The following FSHR variants were observed in gnomAD, a reference collection of about 807,000 sequenced individuals.
The protein encoded by FSHR is follicle stimulating hormone receptor.
Under a neutral mutation model 52.1 loss-of-function variants are expected in FSHR, and 46 were observed. That is an observed-to-expected ratio of 0.88 (90% confidence interval 0.70 to 1.13). FSHR has a LOEUF of 1.13. Ranked by LOEUF, FSHR falls within the 50% of genes most tolerant of loss-of-function variation. The pLI, the probability that FSHR is intolerant of heterozygous loss-of-function variation, is 0.00. For missense variants in FSHR, 964 were observed against 834.6 expected, an observed-to-expected ratio of 1.16 and a Z score of -1.91; for synonymous variants, 399 against 309.6, an observed-to-expected ratio of 1.29 and a Z score of -3.03.
At chr2:49,104,523 G>A (rs1231632773) in intron 1 of FSHR, among the ~76,000 whole-genome samples, 1 of 152,118 alleles carries the variant, frequency 6.6e-6, no homozygotes, top group African/African-American at 2.4e-5. Context: ...AAATGTTCTT[G>A]TTCAGTCTTT....
intron 2 of FSHR, among the ~76,000 whole-genome samples, chr2:49,022,747 A>T (rs553531702): frequency 6.6e-6 from 1 of 152,248 alleles, no homozygotes; most frequent in East Asian, 1.9e-4. Flanking sequence ...AAATAAGGGG[A>T]TACGATGAGA....
At chr2:49,146,455 T>A (rs1428570502) in intron 1 of FSHR, among the ~76,000 whole-genome samples, 1 of 151,960 alleles carries the variant, frequency 6.6e-6, no homozygotes, top group Non-Finnish European at 1.5e-5. Flanking sequence ...GGAGATAGGA[T>A]CCCTCATAAA....
chr2:48,994,523 T>A (rs1315104217), intron 4 of FSHR, among the ~76,000 whole-genome samples: 2 of 152,148 alleles, frequency 1.3e-5, no homozygotes, highest in Non-Finnish European at 2.9e-5. Context: ...TTATTGGTGA[T>A]AATTCTGTAG....
intron 4 of FSHR, among the ~76,000 whole-genome samples, chr2:49,015,944 C>G (rs1002084458): frequency 5.9e-5 from 9 of 152,192 alleles, no homozygotes; most frequent in African/African-American, 2.2e-4. Context: ...CAGCCTACCT[C>G]TGACAGTAAC....
chr2:49,002,289 A>G (rs1666923208), intron 4 of FSHR, among the ~76,000 whole-genome samples: 1 of 152,090 alleles, frequency 6.6e-6, no homozygotes, highest in Non-Finnish European at 1.5e-5. Flanking sequence ...ATGTTCCCAC[A>G]CCCAGTTTCA....
intron 4 of FSHR, among the ~76,000 whole-genome samples, chr2:48,991,244 C>T (rs992021336): frequency 5.3e-5 from 8 of 152,104 alleles, no homozygotes; most frequent in African/African-American, 9.7e-5. Context: ...CTGGCTTTCC[C>T]GGGAAGCAGA....
At chr2:49,041,887 C>T (rs940545975) in intron 2 of FSHR, among the ~76,000 whole-genome samples, 1 of 152,128 alleles carries the variant, frequency 6.6e-6, no homozygotes, top group African/African-American at 2.4e-5. Context: ...TGGCTCATGC[C>T]TTTTATCTTA....
rs147060045 is a variant in FSHR at position 49,013,959 on chromosome 2, C to T, written c.374+3530G>A. Among the ~76,000 whole-genome samples, 90 of 152,040 alleles carry T rather than the reference C, an allele frequency of 5.9e-4. 1 individual carries two copies. The highest frequency in any genetic ancestry group is 2.0e-3 in the African/African-American group (84 of 41,462). On this transcript the variant is annotated intron_variant, in intron 4 of 9. Coordinates refer to ENST00000406846, the MANE Select transcript of FSHR (RefSeq NM_000145.4). ...CTCTCTTTCTCTCTGTGTATATGCA[C>T]CAAGGTAAGGCCATGTGCATATACA...
intron 2 of FSHR, among the ~76,000 whole-genome samples, chr2:49,055,341 A>G (rs1053120320): frequency 7.9e-5 from 12 of 151,682 alleles, no homozygotes; most frequent in Middle Eastern, 3.4e-3. Context: ...GGCACAATAA[A>G]TAAATAATAA....
At chr2:49,076,050 C>G (rs187845808) in intron 1 of FSHR, among the ~76,000 whole-genome samples, 4 of 152,130 alleles carry the variant, frequency 2.6e-5, no homozygotes, top group Admixed American at 6.5e-5. Context: ...TAATTATTAA[C>G]AAATTGTGTT....
intron 1 of FSHR, among the ~76,000 whole-genome samples, chr2:49,093,972 G>A (rs1214786857): frequency 1.3e-5 from 2 of 152,064 alleles, no homozygotes; most frequent in East Asian, 3.9e-4. Flanking sequence ...GTTGTAACTG[G>A]TGTCTTCAGA....
intron 1 of FSHR, among the ~76,000 whole-genome samples, chr2:49,087,077 T>A (rs1425751517): frequency 7.0e-6 from 1 of 143,864 alleles, no homozygotes; most frequent in African/African-American, 2.6e-5. Context: ...AGGGTTTTTT[T>A]TTTTTTTTTT....
At chr2:49,144,928 G>A (rs1483001901) in intron 1 of FSHR, among the ~76,000 whole-genome samples, 1 of 152,106 alleles carries the variant, frequency 6.6e-6, no homozygotes, top group African/African-American at 2.4e-5. Flanking sequence ...AGAGCATTCT[G>A]TAATTCCTTA....
chr2:48,967,290 G>A (rs760397901), intron 9 of FSHR, among the ~76,000 whole-genome samples: 2 of 152,038 alleles, frequency 1.3e-5, no homozygotes, highest in African/African-American at 4.8e-5. Flanking sequence ...GTAGAGACGA[G>A]GTCCCACCAT....
intron 4 of FSHR, among the ~76,000 whole-genome samples, chr2:49,004,409 A>G (rs1001251141): frequency 6.6e-6 from 1 of 152,170 alleles, no homozygotes; most frequent in African/African-American, 2.4e-5. Flanking sequence ...AGTGGTCTGC[A>G]AGATGCCAAA....
At chr2:49,084,549 T>C (rs568959305) in intron 1 of FSHR, among the ~76,000 whole-genome samples, 1 of 152,020 alleles carries the variant, frequency 6.6e-6, no homozygotes, top group African/African-American at 2.4e-5. Context: ...AATTAATGAA[T>C]CCAGGAGCTG....
At chr2:48,977,154 T>G (rs1349105434) in intron 8 of FSHR, among the ~76,000 whole-genome samples, 5 of 152,084 alleles carry the variant, frequency 3.3e-5, no homozygotes, top group African/African-American at 9.7e-5. Context: ...TTTCTGTCTT[T>G]GAATAACCTT....
chr2:49,125,611 T>G (rs1420169827), intron 1 of FSHR, among the ~76,000 whole-genome samples: 1 of 152,208 alleles, frequency 6.6e-6, no homozygotes, highest in Non-Finnish European at 1.5e-5. Flanking sequence ...CAATAAGTAT[T>G]TGTTGAATTC....
At chr2:49,043,584 C>T (rs1212000977) in intron 2 of FSHR, among the ~76,000 whole-genome samples, 1 of 152,194 alleles carries the variant, frequency 6.6e-6, no homozygotes, top group Admixed American at 6.5e-5. Flanking sequence ...CTGTTCTACA[C>T]TGACTACTGC....
Sources: gnomAD v4.1 joint callset for allele counts (sites outside exome capture counted in the v4.1 genomes callset) on GRCh38, gnomAD v4.1.1 for gene constraint, MANE v1.5 for transcripts, NCBI Gene and HGNC (gene_info 2026-07-23, HGNC 2026-07-21) for gene names.